The following PTPRT variants were observed in gnomAD, a reference collection of about 807,000 sequenced individuals.
PTPRT encodes protein tyrosine phosphatase receptor type T, also known as receptor-type tyrosine-protein phosphatase T.
A neutral mutation model predicts 176.8 loss-of-function variants in PTPRT; 56 were observed. The observed-to-expected ratio is 0.32, with a 90% CI of 0.26 to 0.40. The LOEUF is 0.40. Among genes scored for constraint, PTPRT ranks in the 10% least tolerant of loss-of-function variants. The pLI, the probability that PTPRT is intolerant of heterozygous loss-of-function variation, is 1.00. For synonymous variants in PTPRT, 783 were observed against 739.0 expected (o/e 1.06, Z -0.96); for missense variants, 1,540 against 1,908.2 (o/e 0.81, Z 3.60).
At chr20:43,179,489 A>T (rs1389448568) in intron 1 of PTPRT, among the ~76,000 whole-genome samples, 2 of 152,232 alleles carry the variant, frequency 1.3e-5, no homozygotes, top group Non-Finnish European at 2.9e-5. Flanking sequence ...GTTTTTTATA[A>T]ATTGGTTTTT....
At chr20:42,821,297 C>T (rs1215016239) in intron 2 of PTPRT, among the ~76,000 whole-genome samples, 1 of 152,098 alleles carries the variant, frequency 6.6e-6, no homozygotes, top group Non-Finnish European at 1.5e-5. Flanking sequence ...ATAAACAGAA[C>T]CAAAGACAAA....
At chr20:43,048,326 G>A (rs1019437954) in intron 1 of PTPRT, among the ~76,000 whole-genome samples, 9 of 152,162 alleles carry the variant, frequency 5.9e-5, no homozygotes, top group Non-Finnish European at 1.2e-4. Context: ...AGCCCTGGCT[G>A]GGGAGACTGT....
intron 2 of PTPRT, among the ~76,000 whole-genome samples, chr20:42,882,099 G>A (rs551127404): frequency 3.6e-4 from 55 of 152,350 alleles, no homozygotes; most frequent in African/African-American, 1.3e-3. Context: ...TGGGCAAAAA[G>A]CTGTGGAACA....
intron 15 of PTPRT, among the ~76,000 whole-genome samples, chr20:42,206,831 T>C (rs2055481251): frequency 6.6e-6 from 1 of 152,238 alleles, no homozygotes; most frequent in African/African-American, 2.4e-5. Context: ...GCTCCACCTC[T>C]GGGGGCAGGG....
chr20:43,081,625 T>C (rs928671432), intron 1 of PTPRT, among the ~76,000 whole-genome samples: 10 of 152,200 alleles, frequency 6.6e-5, no homozygotes, highest in African/African-American at 9.6e-5. Flanking sequence ...TTACTCTACC[T>C]TATTATTTTA....
At chr20:42,586,122 C>T (rs2073467423) in intron 7 of PTPRT, among the ~76,000 whole-genome samples, 1 of 152,004 alleles carries the variant, frequency 6.6e-6, no homozygotes, top group Non-Finnish European at 1.5e-5. Context: ...CCAGCGATTC[C>T]CTACAAATCC....
At chr20:42,266,651 C>A (rs541213462) in intron 13 of PTPRT, among the ~76,000 whole-genome samples, 13 of 152,142 alleles carry the variant, frequency 8.5e-5, no homozygotes, top group Non-Finnish European at 1.9e-4. Context: ...CCCCTCGCAC[C>A]CAGCTGTGAC....
At chr20:42,657,211 C>T (rs2145988474) in intron 7 of PTPRT, among the ~76,000 whole-genome samples, 1 of 152,242 alleles carries the variant, frequency 6.6e-6, no homozygotes, top group East Asian at 1.9e-4. Context: ...TTCCTGAGGC[C>T]TCCTAAGCCC....
chr20:42,201,443 C>A (rs964247652), intron 15 of PTPRT, among the ~76,000 whole-genome samples: 19 of 152,242 alleles, frequency 1.2e-4, no homozygotes, highest in African/African-American at 4.6e-4. Flanking sequence ...GTGTAGACTT[C>A]ACAGAAGAAT....
At chr20:42,035,158 A>C in the PTPRT span, among the ~76,000 whole-genome samples, 5 of 152,148 alleles carry the variant, frequency 3.3e-5, no homozygotes, top group Admixed American at 1.3e-4. Context: ...ATTTTCATTC[A>C]TCATTTCCCC....
chr20:43,049,370 C>A (rs1986962795), intron 1 of PTPRT, among the ~76,000 whole-genome samples: 1 of 152,186 alleles, frequency 6.6e-6, no homozygotes, highest in Admixed American at 6.5e-5. Flanking sequence ...CATACGTAGA[C>A]ACACTTACTT....
chr20:43,180,051 A>G (rs923203180), intron 1 of PTPRT, among the ~76,000 whole-genome samples: 7 of 152,186 alleles, frequency 4.6e-5, no homozygotes, highest in South Asian at 2.1e-4. Context: ...GCCCTCCCCA[A>G]TGTGGGTGGG....
chr20:43,098,534 A>G (rs2012259204), intron 1 of PTPRT, among the ~76,000 whole-genome samples: 1 of 150,998 alleles, frequency 6.6e-6, no homozygotes, highest in African/African-American at 2.4e-5. Context: ...AAAAGGTGAC[A>G]ACTCTTTTTT....
intron 16 of PTPRT, among the ~76,000 whole-genome samples, chr20:42,162,713 G>A (rs1989657903): frequency 6.6e-6 from 1 of 152,188 alleles, no homozygotes. Context: ...GTACCCACTC[G>A]GCCTATGCCA....
chr20:42,282,577 A>T, intron 12 of PTPRT, 52 bp from the exon 13 acceptor site: 1 of 1,457,966 alleles, frequency 6.9e-7, no homozygotes. Flanking sequence ...GTTATATAAA[A>T]TTGTTATATA....
chr20:42,176,882 G>A (rs1026589888), intron 16 of PTPRT, among the ~76,000 whole-genome samples: 1 of 151,972 alleles, frequency 6.6e-6, no homozygotes, highest in African/African-American at 2.4e-5. Flanking sequence ...TGCCATTGTT[G>A]TGGGTGGATA....
At chr20:42,576,566 C>G (rs1317682839) in intron 7 of PTPRT, among the ~76,000 whole-genome samples, 1 of 152,146 alleles carries the variant, frequency 6.6e-6, no homozygotes, top group Non-Finnish European at 1.5e-5. Flanking sequence ...TGGGGCTTTG[C>G]CTGCCCTGGT....
At chr20:42,399,701 T>C (rs895932633) in intron 9 of PTPRT, among the ~76,000 whole-genome samples, 10 of 152,178 alleles carry the variant, frequency 6.6e-5, no homozygotes, top group African/African-American at 2.4e-4. Context: ...GGAGAGAGGC[T>C]CCTTTTTTCC....
At chr20:42,817,650 T>C (rs1451529504) in intron 2 of PTPRT, among the ~76,000 whole-genome samples, 1 of 152,182 alleles carries the variant, frequency 6.6e-6, no homozygotes, top group Non-Finnish European at 1.5e-5. Flanking sequence ...ATCTTTTCAA[T>C]ATTTTTGGCT....
Sources: allele counts gnomAD v4.1 joint callset (sites outside exome capture counted in the v4.1 genomes callset), GRCh38; gene constraint gnomAD v4.1.1; transcripts MANE v1.5; gene names NCBI Gene and HGNC (gene_info 2026-07-23, HGNC 2026-07-21).